The following PDSS2 variants were observed in gnomAD, a reference collection of about 807,000 sequenced individuals.
The protein encoded by PDSS2 is decaprenyl diphosphate synthase subunit 2, also known as all trans-polyprenyl-diphosphate synthase PDSS2.
A neutral mutation model predicts 44.5 loss-of-function variants in PDSS2; 31 were observed. The observed-to-expected ratio is 0.70, with a 90% CI of 0.52 to 0.94. The LOEUF (loss-of-function observed/expected upper bound fraction) is 0.94, where lower values mean the gene tolerates loss of function less well. PDSS2 is among the 40% of genes least tolerant of loss of function. The pLI is 0.00. For missense variants in PDSS2, 452 were observed against 482.2 expected, an observed-to-expected ratio of 0.94 and a Z score of 0.59; for synonymous variants, 157 against 180.3, an observed-to-expected ratio of 0.87 and a Z score of 1.03.
intron 1 of PDSS2, among the ~76,000 whole-genome samples, chr6:107,420,198 A>G (rs319089): frequency 0.72 from 109,891 of 152,044 alleles, 40,166 homozygotes; most frequent in Middle Eastern, 0.79. Context: ...TTCCTATTCC[A>G]TAAAAAATTC....
intron 2 of PDSS2, among the ~76,000 whole-genome samples, chr6:107,291,956 A>C (rs750377846): frequency 2.6e-5 from 4 of 152,170 alleles, no homozygotes; most frequent in African/African-American, 7.2e-5. Flanking sequence ...AAAAATGACC[A>C]GGCCTTACTT....
At chr6:107,281,819 G>A (rs373889990) in intron 2 of PDSS2, among the ~76,000 whole-genome samples, 14 of 151,998 alleles carry the variant, frequency 9.2e-5, no homozygotes, top group African/African-American at 3.1e-4. Context: ...CTTCCCTCAC[G>A]ACACTGTAAA....
chr6:107,390,288 A>G (rs1013395381), intron 1 of PDSS2, among the ~76,000 whole-genome samples: 4 of 152,108 alleles, frequency 2.6e-5, no homozygotes, highest in Non-Finnish European at 5.9e-5. Context: ...ATCAACAGTG[A>G]TAAGTCATAA....
intron 1 of PDSS2, among the ~76,000 whole-genome samples, chr6:107,406,756 G>A (rs577196264): frequency 6.6e-6 from 1 of 152,312 alleles, no homozygotes; most frequent in South Asian, 2.1e-4. Context: ...ATTCACAAGA[G>A]AAGAACCATA....
intron 1 of PDSS2, among the ~76,000 whole-genome samples, chr6:107,344,759 A>G (rs1338497376): frequency 6.6e-6 from 1 of 152,206 alleles, no homozygotes; most frequent in East Asian, 1.9e-4. Flanking sequence ...ATACTGAAAT[A>G]TAACTGAAAT....
intron 6 of PDSS2, among the ~76,000 whole-genome samples, chr6:107,206,176 A>G (rs935801738): frequency 5.3e-5 from 8 of 152,040 alleles, no homozygotes; most frequent in Non-Finnish European, 1.2e-4. Flanking sequence ...GGCTCAAGTG[A>G]TTCTCCTGTC....
At position 107,264,529 on chromosome 6, in the gene PDSS2, A is replaced by G. The variant is rs1434317819; in HGVS notation, c.630+9500T>C. ...TGAAAATGACTACAAAGAAAAAAAA[A>G]TAACGTGATAAATTCCATTCTTTAA... On this transcript the variant is annotated intron_variant, in intron 3 of 7. Transcript: ENST00000369037. The G allele has an allele frequency of 2.1e-6, 3 of 1,399,246 alleles. No homozygotes were observed. In the South Asian group the frequency reaches 3.7e-5, roughly 17 times the overall value. 86.7% of individuals were successfully genotyped at this position (1,399,246 alleles called of 1,614,324 possible).
intron 1 of PDSS2, among the ~76,000 whole-genome samples, chr6:107,338,519 G>A (rs1029480236): frequency 6.6e-6 from 1 of 152,296 alleles, no homozygotes; most frequent in Non-Finnish European, 1.5e-5. Flanking sequence ...ATAGTAGTCT[G>A]GATTTAAAAA....
intron 1 of PDSS2, among the ~76,000 whole-genome samples, chr6:107,424,423 A>G (rs934267455): frequency 6.6e-6 from 1 of 152,072 alleles, no homozygotes; most frequent in African/African-American, 2.4e-5. Flanking sequence ...TTACCTCAAC[A>G]TATCCCTTAT....
At chr6:107,251,706 A>G (rs756107649) in intron 3 of PDSS2, among the ~76,000 whole-genome samples, 12 of 152,176 alleles carry the variant, frequency 7.9e-5, no homozygotes, top group Non-Finnish European at 1.6e-4. Flanking sequence ...ATTTGAAGGG[A>G]TATTGTCAAA....
At chr6:107,285,445 G>A (rs374691241) in intron 2 of PDSS2, among the ~76,000 whole-genome samples, 1 of 151,924 alleles carries the variant, frequency 6.6e-6, no homozygotes. Context: ...AGGAGTTTGC[G>A]ACAAGCCTGG....
intron 1 of PDSS2, among the ~76,000 whole-genome samples, chr6:107,338,988 T>A (rs946766238): frequency 2.6e-5 from 4 of 152,080 alleles, no homozygotes; most frequent in African/African-American, 9.7e-5. Context: ...CATCCCTAAG[T>A]GCTGGGATTA....
chr6:107,230,676 T>C (rs1288811792), intron 4 of PDSS2, among the ~76,000 whole-genome samples: 1 of 151,810 alleles, frequency 6.6e-6, no homozygotes, highest in Non-Finnish European at 1.5e-5. Flanking sequence ...AGCCAGGGCA[T>C]GTTTTTCTCA....
intron 1 of PDSS2, among the ~76,000 whole-genome samples, chr6:107,356,299 G>C (rs1778595807): frequency 6.6e-6 from 1 of 152,184 alleles, no homozygotes; most frequent in African/African-American, 2.4e-5. Flanking sequence ...TGGGTTTCCA[G>C]TGTACTTAGA....
At chr6:107,186,676 T>C (rs908835862) in intron 7 of PDSS2, among the ~76,000 whole-genome samples, 9 of 152,090 alleles carry the variant, frequency 5.9e-5, no homozygotes, top group Non-Finnish European at 1.2e-4. Context: ...GTTCTCATTG[T>C]TCAACTCCCA....
chr6:107,260,724 C>T (rs1268021701), intron 3 of PDSS2, among the ~76,000 whole-genome samples: 7 of 140,810 alleles, frequency 5.0e-5, no homozygotes, highest in Non-Finnish European at 1.0e-4. Flanking sequence ...AGTGCAGTGG[C>T]GCAATCTCGG....
chr6:107,396,398 A>C (rs1180070207), intron 1 of PDSS2, among the ~76,000 whole-genome samples: 3 of 152,196 alleles, frequency 2.0e-5, no homozygotes, highest in Non-Finnish European at 4.4e-5. Flanking sequence ...CAAGACAATC[A>C]TAGAGTTATC....
At chr6:107,433,871 C>T (rs1781266783) in intron 1 of PDSS2, among the ~76,000 whole-genome samples, 1 of 152,132 alleles carries the variant, frequency 6.6e-6, no homozygotes, top group Admixed American at 6.5e-5. Context: ...AAACTCTATC[C>T]ATCTGGCAAA....
At chr6:107,357,134 T>C (rs1778618127) in intron 1 of PDSS2, among the ~76,000 whole-genome samples, 1 of 152,144 alleles carries the variant, frequency 6.6e-6, no homozygotes, top group Admixed American at 6.5e-5. Flanking sequence ...TATTTAAATA[T>C]GCGCACAGGA....
Sources: allele counts gnomAD v4.1 joint callset (sites outside exome capture counted in the v4.1 genomes callset), GRCh38; gene constraint gnomAD v4.1.1; transcripts MANE v1.5; gene names NCBI Gene and HGNC (gene_info 2026-07-23, HGNC 2026-07-21).